Variants in SYNE2 observed in about 807,000 individuals in gnomAD.
SYNE2 encodes the protein spectrin repeat containing nuclear envelope protein 2.
A neutral mutation model predicts 856.3 loss-of-function variants in SYNE2; 431 were observed. The ratio of observed to expected loss-of-function variants is 0.50; its 90% confidence interval spans 0.47 to 0.55. SYNE2 has a LOEUF of 0.55. Ranked by LOEUF, SYNE2 falls within the 20% of genes least tolerant of loss-of-function variation. The pLI is 0.00. For missense variants in SYNE2, 8,129 were observed against 8,023.2 expected (o/e 1.01, Z -0.50); for synonymous variants, 2,923 against 2,872.3 (o/e 1.02, Z -0.56).
chr14:63,843,849 T>G lies in SYNE2; in HGVS notation c.-304-8652T>G, dbSNP rs1041363019. 4.6e-5 allele frequency among the ~76,000 whole-genome samples: 7 copies of G among 152,190 alleles called. No homozygotes were observed. In the East Asian group the frequency reaches 1.3e-3, roughly 29 times the overall value. On this transcript the variant is annotated intron_variant, in intron 1 of 23. Transcript: ENST00000674003. ...TAGATTCACCTGGGTCATAAAGTAT[T>G]TTTTAAAATGTCGACAATTTATGTT...
intron 22 of SYNE2, 31 bp downstream of exon 22, chr14:63,994,000 G>A (rs374499037): frequency 8.7e-6 from 14 of 1,609,894 alleles, no homozygotes; most frequent in East Asian, 4.5e-5. Flanking sequence ...CTGAACTTAC[G>A]TTTTTATATG....
intron 71 of SYNE2, 133 bp from the exon 72 acceptor site, chr14:64,126,194 C>T: frequency 1.3e-6 from 1 of 768,890 alleles, no homozygotes; most frequent in Non-Finnish European, 2.2e-6. Context: ...ACCTAGTTCA[C>T]AAAGCGTTTG....
intron 96 of SYNE2, among the ~76,000 whole-genome samples, chr14:64,184,668 A>G (rs1036552387): frequency 6.6e-6 from 1 of 152,060 alleles, no homozygotes; most frequent in Non-Finnish European, 1.5e-5. Flanking sequence ...GGCCCCCTTT[A>G]TGTTATGTAG....
chr14:64,048,125 G>A lies in SYNE2; in HGVS notation c.7347G>A (p.Met2449Ile). The A allele has an allele frequency of 6.2e-7, 1 of 1,613,386 alleles. No individual in the cohort carries two copies. Among genetic ancestry groups the A allele is most frequent in the Non-Finnish European group, 8.5e-7 (1 of 1,179,608 alleles). ...ATCAACCTTTAGAATTAGATACTAT[G>A]TTAAGAAATGAACAATTAGAAGAGA... ...LQNQPLELDT[M>I]LRNEQLEEIE... Residue 2449 changes from methionine (M) to isoleucine (I), a missense_variant, in exon 46 of 116, where the codon ATG becomes ATA. This residue lies in a region of SYNE2 where 5,410 missense variants were observed against 5,284.8 expected (regional missense o/e 1.02). Coordinates refer to ENST00000555002, the MANE Select transcript of SYNE2 (RefSeq NM_182914.3).
At chr14:63,996,479 C>T (rs563348561) in intron 23 of SYNE2, among the ~76,000 whole-genome samples, 18 of 152,262 alleles carry the variant, frequency 1.2e-4, no homozygotes, top group African/African-American at 4.3e-4. Flanking sequence ...ACCCCTTTAG[C>T]ATCCCTCCTG....
intron 53 of SYNE2, 37 bp from the exon 54 acceptor site, chr14:64,075,908 A>T (rs983035587): frequency 1.2e-6 from 2 of 1,611,180 alleles, no homozygotes; most frequent in African/African-American, 1.3e-5. Flanking sequence ...CTTTTCCCCC[A>T]GTCTCGTGAG....
intron 64 of SYNE2, among the ~76,000 whole-genome samples, chr14:64,106,878 T>C (rs1355404016): frequency 6.6e-6 from 1 of 152,214 alleles, no homozygotes; most frequent in Non-Finnish European, 1.5e-5. Flanking sequence ...CTAGTTATAT[T>C]TTTCATAACT....
intron 105 of SYNE2, 67 bp from the exon 106 acceptor site, chr14:64,214,127 C>G: frequency 1.9e-6 from 3 of 1,613,122 alleles, no homozygotes; most frequent in Non-Finnish European, 2.5e-6. Context: ...AGGCAGACTT[C>G]TCATGCTCTT....
intron 1 of SYNE2, among the ~76,000 whole-genome samples, chr14:63,767,828 C>T (rs1171960017): frequency 6.6e-6 from 1 of 152,154 alleles, no homozygotes. Flanking sequence ...AAAAACTCAT[C>T]TCAGAAATTG....
At chr14:64,171,145 CA>C (rs2153726570) in intron 94 of SYNE2, among the ~76,000 whole-genome samples, 1 of 152,150 alleles carries the variant, frequency 6.6e-6, no homozygotes. Context: ...CAAAGCTTTC[CA>C]AAAGAAACTT....
chr14:64,209,265 C>G, intron 101 of SYNE2, 163 bp from the exon 102 acceptor site: 1 of 1,231,520 alleles, frequency 8.1e-7, no homozygotes, highest in Non-Finnish European at 1.1e-6. Context: ...GCTTGGCGCT[C>G]CCAGGCAGGA....
At chr14:63,949,012 G>A (rs1451855139) in intron 6 of SYNE2, among the ~76,000 whole-genome samples, 1 of 151,670 alleles carries the variant, frequency 6.6e-6, no homozygotes, top group Non-Finnish European at 1.5e-5. Context: ...TGTTGGTAGT[G>A]CTTGCCAGAT....
rs556563811 is a variant in SYNE2 at position 64,136,945 on chromosome 14, C to G, written c.14647-842C>G. Among the ~76,000 whole-genome samples the G allele has an allele frequency of 4.6e-5, 7 of 152,280 alleles. No individual in the cohort carries two copies. In the East Asian group the frequency reaches 1.4e-3, roughly 29 times the overall value. ...GGAAAAGGAGAGGGAGTAGGCTCTC[C>G]TAGAGCCAGCAGCTGCTGCTCAGTT... On this transcript the variant is annotated intron_variant, in intron 78 of 115. Transcript: ENST00000555002.
intron 64 of SYNE2, among the ~76,000 whole-genome samples, chr14:64,105,919 C>T (rs1356589288): frequency 3.3e-5 from 5 of 151,726 alleles, no homozygotes; most frequent in South Asian, 2.1e-4. Context: ...ATTAGCCGGT[C>T]GTGGTGGTGC....
chr14:64,076,016 T>G lies in SYNE2; in HGVS notation c.10938T>G (p.Tyr3646Ter). ...TTATGGAAAAACTGCGAATCAAGTA[T>G]TCCGAAATGTACACCATAGTCCCTG... is the stretch of plus-strand genomic sequence containing the variant. ...ENIMEKLRIK[Y>*]SEMYTIVPAE... The change falls in exon 54 of 116, where the codon TAT (tyrosine) becomes TAG (stop). Residue 3646 changes from tyrosine (Y) to a stop codon, truncating the protein, a stop_gained. Coordinates refer to ENST00000555002, the MANE Select transcript of SYNE2 (RefSeq NM_182914.3). LOFTEE classifies it high-confidence loss of function. The G allele has an allele frequency of 6.2e-7, 1 of 1,613,982 alleles. No homozygotes were observed. Among genetic ancestry groups the G allele is most frequent in the Non-Finnish European group, 8.5e-7 (1 of 1,179,876 alleles).
intron 65 of SYNE2, among the ~76,000 whole-genome samples, chr14:64,112,876 G>A (rs73279590): frequency 0.074 from 11,191 of 152,198 alleles, 532 homozygotes; most frequent in African/African-American, 0.13. Context: ...AAATTATGTG[G>A]TATATTTTAT....
intron 1 of SYNE2, among the ~76,000 whole-genome samples, chr14:63,904,640 C>T (rs1360546918): frequency 1.3e-5 from 2 of 151,932 alleles, no homozygotes; most frequent in African/African-American, 4.8e-5. Flanking sequence ...CTATTCATGT[C>T]CTTTGCCCAT....
chr14:64,221,699 C>G lies in SYNE2; in HGVS notation c.20185C>G (p.Leu6729Val), dbSNP rs771563821. ...PRALLECRRE[L>V]MQLEKELVER... ...GGCTCTCCTAGAGTGTCGGAGGGAACTAATGGTAAGTTTCCTCCCAAGGGC... is the reference window on the plus strand; with the variant it reads ...GGCTCTCCTAGAGTGTCGGAGGGAAGTAATGGTAAGTTTCCTCCCAAGGGC... The change falls in exon 112 of 116, where the codon CTA (leucine) becomes GTA (valine). Residue 6729 changes from leucine to valine, a missense_variant. Coordinates refer to ENST00000555002, the MANE Select transcript of SYNE2 (RefSeq NM_182914.3). 3.7e-6 allele frequency: 6 copies of G among 1,613,652 alleles called. No individual in the cohort carries two copies. The Admixed American group carries it at 1.0e-4, about 27-fold the overall frequency.
At position 63,915,274 on chromosome 14, in the gene SYNE2, G is replaced by A. The variant is rs79318719; in HGVS notation, c.79+6047G>A. Among the ~76,000 whole-genome samples the A allele has an allele frequency of 1.6e-4, 25 of 152,322 alleles. No homozygotes were observed. The East Asian group carries it at 4.6e-3, about 28-fold the overall frequency. ...CTATTTGAAAGTCATAGTAACAAGC[G>A]AAATTGGCTGTGTAGGTGGACTCAT... On this transcript the variant is annotated intron_variant, in intron 2 of 115. Transcript: ENST00000555002.
Sources: gnomAD v4.1 joint callset for allele counts (sites outside exome capture counted in the v4.1 genomes callset) on GRCh38, gnomAD v4.1.1 for gene constraint, gnomAD v4.1.1 regional missense constraint, MANE v1.5 for transcripts, NCBI Gene and HGNC (gene_info 2026-07-23, HGNC 2026-07-21) for gene names.